BCAS3: variants seen among roughly 807,000 people sequenced by gnomAD.
The protein encoded by BCAS3 is BCAS3 microtubule associated cell migration factor.
A neutral mutation model predicts 116.1 loss-of-function variants in BCAS3; 53 were observed. That is an observed-to-expected ratio of 0.46 (90% CI 0.37 to 0.57). The LOEUF (loss-of-function observed/expected upper bound fraction) is 0.57, where lower values mean the gene tolerates loss of function less well. BCAS3 is among the 20% of genes least tolerant of loss of function. The pLI is 0.00. For synonymous variants in BCAS3, 391 were observed against 408.2 expected, an observed-to-expected ratio of 0.96 and a Z score of 0.51; for missense variants, 917 against 1,165.4, an observed-to-expected ratio of 0.79 and a Z score of 3.10.
intron 22 of BCAS3, among the ~76,000 whole-genome samples, chr17:61,157,260 G>C (rs542058832): frequency 6.6e-6 from 1 of 152,126 alleles, no homozygotes; most frequent in Non-Finnish European, 1.5e-5. Context: ...GATATATTCA[G>C]TAATATATTT....
chr17:60,784,251 A>G (rs1005993012), intron 6 of BCAS3, among the ~76,000 whole-genome samples: 44 of 151,784 alleles, frequency 2.9e-4, no homozygotes, highest in Admixed American at 4.6e-4. Context: ...AAAGGTGAAA[A>G]TACTTAGTGA....
chr17:61,044,660 T>C (rs1489069025), intron 19 of BCAS3, among the ~76,000 whole-genome samples: 2 of 151,698 alleles, frequency 1.3e-5, no homozygotes, highest in African/African-American at 2.4e-5. Context: ...GGGATAAAGA[T>C]GAAAAGACCT....
intron 23 of BCAS3, among the ~76,000 whole-genome samples, chr17:61,370,846 G>A (rs1184528924): frequency 2.6e-5 from 4 of 152,216 alleles, no homozygotes; most frequent in Admixed American, 6.5e-5. Flanking sequence ...TGGTACACCC[G>A]TGCCCAGGTC....
At position 61,106,771 on chromosome 17, in the gene BCAS3, G is replaced by C. The variant is rs1218731701; in HGVS notation, c.2425+22207G>C. On this transcript the variant is annotated intron_variant, in intron 22 of 23. Transcript: ENST00000407086. This position sits in a 1 kb window ranked among gnomAD's most constrained non-coding sequence, Gnocchi z 4.2. ...GACATAGATATTTTAATGGTGGCTGGATCATTTATTTGTCTGATTTTCTAT... is the reference window on the plus strand; with the variant it reads ...GACATAGATATTTTAATGGTGGCTGCATCATTTATTTGTCTGATTTTCTAT... 3.9e-5 allele frequency among the ~76,000 whole-genome samples: 6 copies of C among 152,222 alleles called. No homozygotes were observed. Among genetic ancestry groups the C allele is most frequent in the African/African-American group, 1.4e-4 (6 of 41,550 alleles).
At chr17:60,919,570 G>A (rs901928062) in intron 12 of BCAS3, among the ~76,000 whole-genome samples, 29 of 152,172 alleles carry the variant, frequency 1.9e-4, no homozygotes, top group Middle Eastern at 3.4e-3. Flanking sequence ...TGATCTACCC[G>A]CCTTGGCCTC....
chr17:61,252,064 A>G (rs916993732), intron 22 of BCAS3, among the ~76,000 whole-genome samples: 1 of 152,252 alleles, frequency 6.6e-6, no homozygotes, highest in African/African-American at 2.4e-5. Context: ...ACGAAGTACT[A>G]AAAGTATATG....
At chr17:61,135,017 C>T (rs542258384) in intron 22 of BCAS3, among the ~76,000 whole-genome samples, 1 of 152,198 alleles carries the variant, frequency 6.6e-6, no homozygotes, top group South Asian at 2.1e-4. Context: ...TATGAGGTTT[C>T]CAGTAGTTTG....
intron 6 of BCAS3, among the ~76,000 whole-genome samples, chr17:60,774,537 A>G (rs533820551): frequency 6.6e-6 from 1 of 152,188 alleles, no homozygotes; most frequent in Non-Finnish European, 1.5e-5. Context: ...GTTGCTCAGG[A>G]CTATTTTGTA....
At chr17:61,386,680 C>T (rs980415554) in intron 23 of BCAS3, among the ~76,000 whole-genome samples, 3 of 152,188 alleles carry the variant, frequency 2.0e-5, no homozygotes, top group African/African-American at 7.2e-5. Flanking sequence ...ACTTCCGAAG[C>T]CAGAGGAGCT....
intron 22 of BCAS3, among the ~76,000 whole-genome samples, chr17:61,160,520 T>A (rs748361998): frequency 1.3e-5 from 2 of 152,210 alleles, no homozygotes; most frequent in Non-Finnish European, 2.9e-5. Context: ...AAAAGTCAGC[T>A]GCATCTGTGT....
intron 6 of BCAS3, among the ~76,000 whole-genome samples, chr17:60,800,757 T>G (rs577200349): frequency 6.6e-5 from 10 of 152,290 alleles, no homozygotes; most frequent in African/African-American, 2.2e-4. Context: ...TGTGTTAATT[T>G]GGGGTAAATG....
intron 14 of BCAS3, chr17:60,987,213 A>G (rs1056047697): frequency 6.7e-6 from 1 of 149,348 alleles, no homozygotes; most frequent in African/African-American, 2.5e-5. Flanking sequence ...TGCCAGTACC[A>G]TGCTGTTTCA....
intron 7 of BCAS3, among the ~76,000 whole-genome samples, chr17:60,863,245 T>C (rs957671280): frequency 1.3e-5 from 2 of 152,234 alleles, no homozygotes; most frequent in African/African-American, 4.8e-5. Flanking sequence ...CTCACTATTC[T>C]GTTTCCTTGA....
rs959522541 is a variant in BCAS3 at position 61,362,702 on chromosome 17, C to G, written c.2426-5625C>G. The stretch of plus-strand genomic sequence containing the variant: ...GGGGAAAGAGTATAACACAGGATGC[C>G]AAGCTGGGAAGCAGGATTCGGGACA... On this transcript the variant is annotated intron_variant, in intron 22 of 23. Coordinates refer to ENST00000407086, the MANE Select transcript of BCAS3 (RefSeq NM_017679.5). The surrounding 1 kb of genome is among the most constrained non-coding windows in gnomAD (Gnocchi z 4.4). 9.2e-5 allele frequency: 14 copies of G among 152,316 alleles called. No homozygotes were observed. Among genetic ancestry groups the G allele is most frequent in the Admixed American group, 2.6e-4 (4 of 15,300 alleles). The allele number at this position is 152,316 out of a possible 1,614,324, so 9.4% of individuals were successfully genotyped here.
intron 7 of BCAS3, among the ~76,000 whole-genome samples, chr17:60,860,496 AT>A (rs950836273): frequency 6.6e-6 from 1 of 152,112 alleles, no homozygotes; most frequent in African/African-American, 2.4e-5. Context: ...CCACTTGTCA[AT>A]TTTTGTTGCA....
chr17:61,072,873 T>C (rs1273864383), intron 19 of BCAS3, among the ~76,000 whole-genome samples: 1 of 152,124 alleles, frequency 6.6e-6, no homozygotes, highest in Non-Finnish European at 1.5e-5. Context: ...GTCACACCTC[T>C]CCTTCAGATA....
chr17:61,375,640 G>C (rs1209774887), intron 23 of BCAS3, among the ~76,000 whole-genome samples: 1 of 148,898 alleles, frequency 6.7e-6, no homozygotes, highest in Admixed American at 6.8e-5. Flanking sequence ...CACAATCTCA[G>C]CTCACTGCAG....
chr17:61,221,121 TC>T (rs1351432447), intron 22 of BCAS3, among the ~76,000 whole-genome samples: 1 of 152,112 alleles, frequency 6.6e-6, no homozygotes, highest in African/African-American at 2.4e-5. Context: ...AAAGTGTGGT[TC>T]ATAGTAGAAT....
intron 22 of BCAS3, among the ~76,000 whole-genome samples, chr17:61,308,353 C>A (rs928317616): frequency 4.6e-5 from 7 of 151,106 alleles, no homozygotes; most frequent in African/African-American, 1.5e-4. Context: ...TTCCACCCCC[C>A]AACCCCCATC....
Sources: allele counts gnomAD v4.1 joint callset (sites outside exome capture counted in the v4.1 genomes callset), GRCh38; gene constraint gnomAD v4.1.1; non-coding constraint Gnocchi (gnomAD v3.1); transcripts MANE v1.5; gene names NCBI Gene and HGNC (gene_info 2026-07-23, HGNC 2026-07-21).